FSTL4: variants seen among roughly 807,000 people sequenced by gnomAD.
FSTL4 encodes follistatin like 4, also known as follistatin-related protein 4.
FSTL4 carries 28 observed loss-of-function variants against 78.2 expected under a neutral mutation model. That is an observed-to-expected ratio of 0.36 (90% CI 0.27 to 0.49). The LOEUF (loss-of-function observed/expected upper bound fraction) is 0.49. FSTL4 is among the 20% of genes least tolerant of loss of function. The pLI is 0.98. For missense variants in FSTL4, 922 were observed against 1,084.9 expected (o/e 0.85, Z 2.11); for synonymous variants, 422 against 440.5 (o/e 0.96, Z 0.53).
At chr5:133,330,953 G>A (rs909310821) in intron 4 of FSTL4, among the ~76,000 whole-genome samples, 5 of 152,144 alleles carry the variant, frequency 3.3e-5, no homozygotes, top group African/African-American at 1.2e-4. Context: ...GTGGACACAC[G>A]TGCACCTGTG....
chr5:133,339,364 G>A (rs1754536218), intron 4 of FSTL4, among the ~76,000 whole-genome samples: 1 of 152,176 alleles, frequency 6.6e-6, no homozygotes. Context: ...CTCTCAGGGA[G>A]GGAGGGGTGG....
the FSTL4 span, among the ~76,000 whole-genome samples, chr5:133,689,071 G>A: frequency 6.6e-6 from 1 of 152,114 alleles, no homozygotes; most frequent in Admixed American, 6.5e-5. Context: ...CCAGCCCCTT[G>A]CCATCTGCCC....
chr5:133,590,730 A>G (rs1051437206), intron 2 of FSTL4, among the ~76,000 whole-genome samples: 1 of 152,180 alleles, frequency 6.6e-6, no homozygotes, highest in Non-Finnish European at 1.5e-5. Context: ...AGGCTGCCTT[A>G]GTCCATTTTG....
At chr5:133,779,285 C>T in the FSTL4 span, among the ~76,000 whole-genome samples, 1 of 152,104 alleles carries the variant, frequency 6.6e-6, no homozygotes, top group African/African-American at 2.4e-5. Flanking sequence ...GAGATCTTCC[C>T]TTATAAAATA....
the FSTL4 span, among the ~76,000 whole-genome samples, chr5:133,663,278 C>T: frequency 0.11 from 17,328 of 152,178 alleles, 1,199 homozygotes; most frequent in African/African-American, 0.19. Flanking sequence ...AGTACTGTCC[C>T]ACGCACAGTT....
At chr5:133,377,396 C>A (rs1258780491) in intron 4 of FSTL4, among the ~76,000 whole-genome samples, 1 of 152,234 alleles carries the variant, frequency 6.6e-6, no homozygotes, top group East Asian at 1.9e-4. Flanking sequence ...ACACCAAACT[C>A]TGGAGCAGTG....
chr5:133,428,286 A>G (rs1756868816), intron 3 of FSTL4, among the ~76,000 whole-genome samples: 1 of 152,154 alleles, frequency 6.6e-6, no homozygotes, highest in Non-Finnish European at 1.5e-5. Flanking sequence ...GCATCATGGC[A>G]GAAGTAGGGC....
At chr5:133,387,157 C>G (rs566046534) in intron 4 of FSTL4, among the ~76,000 whole-genome samples, 39 of 152,256 alleles carry the variant, frequency 2.6e-4, no homozygotes, top group African/African-American at 8.7e-4. Flanking sequence ...CATGTCCCAC[C>G]CACCCACTCT....
At chr5:133,695,550 T>C in the FSTL4 span, among the ~76,000 whole-genome samples, 2 of 152,168 alleles carry the variant, frequency 1.3e-5, no homozygotes, top group Non-Finnish European at 2.9e-5. Context: ...AGGTCATAGC[T>C]GGAGACCTTA....
chr5:133,625,575 T>C, the FSTL4 span, among the ~76,000 whole-genome samples: 4 of 150,238 alleles, frequency 2.7e-5, no homozygotes, highest in East Asian at 5.9e-4. Flanking sequence ...CTTTGTTTCA[T>C]TGATTTTTCT....
chr5:133,626,347 A>G, the FSTL4 span, among the ~76,000 whole-genome samples: 4 of 90,368 alleles, frequency 4.4e-5, 1 homozygote, highest in Admixed American at 1.4e-4. Context: ...TTCCATATAT[A>G]TATATTCCAT....
the FSTL4 span, among the ~76,000 whole-genome samples, chr5:133,781,510 C>T: frequency 2.0e-5 from 3 of 152,042 alleles, no homozygotes; most frequent in Non-Finnish European, 4.4e-5. Flanking sequence ...AGGCTGGAAA[C>T]TTCCCACCAT....
chr5:133,759,864 T>A, the FSTL4 span, among the ~76,000 whole-genome samples: 1 of 152,204 alleles, frequency 6.6e-6, no homozygotes, highest in Non-Finnish European at 1.5e-5. Context: ...ATTTTTTTAT[T>A]TCCCACTGTG....
At chr5:133,551,162 G>A (rs891165951) in intron 3 of FSTL4, among the ~76,000 whole-genome samples, 11 of 152,160 alleles carry the variant, frequency 7.2e-5, no homozygotes, top group Non-Finnish European at 1.3e-4. Context: ...GACAACGGGC[G>A]AGCCACTCAA....
rs1208284261 is a variant in FSTL4, at chr5:133,440,676, A to T, written c.161-39690T>A. Among the ~76,000 whole-genome samples, 2 of 152,240 alleles carry T rather than the reference A, an allele frequency of 1.3e-5. No homozygotes were observed. The highest frequency in any genetic ancestry group is 1.3e-4 in the Admixed American group (2 of 15,304). On this transcript the variant is annotated intron_variant, in intron 3 of 15. Transcript: ENST00000265342. This position sits in a 1 kb window ranked among gnomAD's most constrained non-coding sequence, Gnocchi z 4.1. ...CCACTGGCAGAACACAACCTCTGAG[A>T]GGCCTGGGAATGTCCAAGCAGGGGG...
the FSTL4 span, among the ~76,000 whole-genome samples, chr5:133,769,650 A>G: frequency 6.6e-6 from 1 of 152,254 alleles, no homozygotes; most frequent in Non-Finnish European, 1.5e-5. Context: ...GTTCACCTTC[A>G]TAAGTAAGTA....
intron 3 of FSTL4, among the ~76,000 whole-genome samples, chr5:133,526,657 G>A (rs753660829): frequency 1.3e-5 from 2 of 152,166 alleles, no homozygotes; most frequent in African/African-American, 2.4e-5. Flanking sequence ...ATTTGCGGAC[G>A]AGTTGTGAAG....
At chr5:133,367,383 G>GTC (rs1298769166) in intron 4 of FSTL4, among the ~76,000 whole-genome samples, 2 of 152,228 alleles carry the variant, frequency 1.3e-5, no homozygotes, top group Non-Finnish European at 2.9e-5. Flanking sequence ...AGTCCAGAAT[G>GTC]TCTCTCTTTA....
At chr5:133,738,241 T>A in the FSTL4 span, among the ~76,000 whole-genome samples, 1 of 152,200 alleles carries the variant, frequency 6.6e-6, no homozygotes, top group Non-Finnish European at 1.5e-5. Context: ...GCCTTCCTAA[T>A]TCAATTTCCT....
Sources: gnomAD v4.1 joint callset for allele counts (sites outside exome capture counted in the v4.1 genomes callset) on GRCh38, gnomAD v4.1.1 for gene constraint, Gnocchi (gnomAD v3.1) non-coding constraint, MANE v1.5 for transcripts, NCBI Gene and HGNC (gene_info 2026-07-23, HGNC 2026-07-21) for gene names.